PRKAG2: variants seen among roughly 807,000 people sequenced by gnomAD.
The protein encoded by PRKAG2 is protein kinase AMP-activated non-catalytic subunit gamma 2.
Under a neutral mutation model 69.6 loss-of-function variants are expected in PRKAG2, and 26 were observed. That is an observed-to-expected ratio of 0.37 (90% CI 0.27 to 0.52). The LOEUF (loss-of-function observed/expected upper bound fraction) is 0.52, where lower values mean the gene tolerates loss of function less well. PRKAG2 is among the 20% of genes least tolerant of loss of function. The pLI is 0.90. For missense variants in PRKAG2, 557 were observed against 740.0 expected (o/e 0.75, Z 2.87); for synonymous variants, 293 against 285.0 (o/e 1.03, Z -0.28).
chr7:151,799,778 C>T (rs545554281), intron 1 of PRKAG2, among the ~76,000 whole-genome samples: 1 of 152,274 alleles, frequency 6.6e-6, no homozygotes, highest in African/African-American at 2.4e-5. Context: ...GTCTGCTACT[C>T]CCCATTCCAG....
intron 4 of PRKAG2, among the ~76,000 whole-genome samples, chr7:151,646,310 GATC>G (rs1389245079): frequency 1.3e-5 from 2 of 152,182 alleles, no homozygotes; most frequent in African/African-American, 4.8e-5. Context: ...TCCAATCCAT[GATC>G]ATGGCATATC....
chr7:151,725,892 C>A (rs1797863350), intron 3 of PRKAG2, among the ~76,000 whole-genome samples: 1 of 152,124 alleles, frequency 6.6e-6, no homozygotes, highest in Non-Finnish European at 1.5e-5. Context: ...GGCCCTCCCC[C>A]ACTTTGATTT....
intron 8 of PRKAG2, 111 bp downstream of exon 8, chr7:151,574,779 CA>C (rs1563166273): frequency 6.7e-7 from 1 of 1,501,352 alleles, no homozygotes; most frequent in Non-Finnish European, 9.0e-7. Flanking sequence ...CACACCATAC[CA>C]AAAAAGAAAA....
At chr7:151,841,872 GGTAGTGATAGTA>G (rs1168737503) in intron 1 of PRKAG2, among the ~76,000 whole-genome samples, 1 of 149,266 alleles carries the variant, frequency 6.7e-6, no homozygotes, top group Non-Finnish European at 1.5e-5. Context: ...AGGTAGGGAT[GGTAGTGATAGTA>G]GTGATGGTAG....
At chr7:151,854,403 C>G (rs1206772051) in intron 1 of PRKAG2, among the ~76,000 whole-genome samples, 2 of 152,246 alleles carry the variant, frequency 1.3e-5, no homozygotes, top group Non-Finnish European at 2.9e-5. Flanking sequence ...TGAGGGTGGA[C>G]AGCTCCTCCA....
intron 3 of PRKAG2, among the ~76,000 whole-genome samples, chr7:151,711,036 G>T (rs1795218362): frequency 6.6e-6 from 1 of 152,152 alleles, no homozygotes; most frequent in South Asian, 2.1e-4. Context: ...TACTAAGAGT[G>T]CTAGGCTTAG....
chr7:151,807,781 G>A lies in PRKAG2; in HGVS notation c.115-21240C>T. ...TCCGAACCCTTCTCTGACTTGGCGG[G>A]TTATTGGATTAGCTACTCTCAGAAG... is the stretch of plus-strand genomic sequence containing the variant. On this transcript the variant is annotated intron_variant, in intron 1 of 15. Coordinates refer to ENST00000287878, the MANE Select transcript of PRKAG2 (RefSeq NM_016203.4). The surrounding 1 kb of genome is among the most constrained non-coding windows in gnomAD (Gnocchi z 4.4). 2.8e-6 allele frequency: 1 copy of A among 362,764 alleles called. No individual in the cohort carries two copies. The highest frequency in any genetic ancestry group is 5.5e-6 in the Non-Finnish European group (1 of 181,440). The allele number at this position is 362,764 out of a possible 1,614,324, so 22.5% of individuals were successfully genotyped here. A position where few individuals can be genotyped will look rare whatever the true frequency, so the allele number is the denominator to read the frequency against.
chr7:151,620,953 C>G (rs4726064), intron 5 of PRKAG2, among the ~76,000 whole-genome samples: 1,902 of 151,226 alleles, frequency 0.013, 28 homozygotes, highest in African/African-American at 0.044. Context: ...GCTGGGATTA[C>G]CTGAGCCGCC....
chr7:151,741,757 T>C (rs2073909923), intron 3 of PRKAG2, among the ~76,000 whole-genome samples: 2 of 152,156 alleles, frequency 1.3e-5, no homozygotes, highest in African/African-American at 4.8e-5. Context: ...AACCAGCAAC[T>C]TAGGCAGGCC....
At position 151,835,165 on chromosome 7, in the gene PRKAG2, C is replaced by CT. The variant is rs1260691471; in HGVS notation, c.114+41341dup. Among the ~76,000 whole-genome samples the CT allele has an allele frequency of 6.6e-6, 1 of 152,094 alleles. No individual in the cohort carries two copies. The highest frequency in any genetic ancestry group is 1.5e-5 in the Non-Finnish European group (1 of 68,028). On this transcript the variant is annotated intron_variant, in intron 1 of 15. Transcript: ENST00000287878. The surrounding 1 kb of genome is among the most constrained non-coding windows in gnomAD (Gnocchi z 4.1). ...ACAGAGGGTTAGGATTTGGACACAT[C>CT]TTTTAGGAGACACACAATTCAACTC...
At chr7:151,657,136 CA>C (rs11307580) in intron 4 of PRKAG2, among the ~76,000 whole-genome samples, 88,739 of 145,812 alleles carry the variant, frequency 0.61, 26,384 homozygotes, top group South Asian at 0.65. Context: ...GACTCCATCT[CA>C]AAAAAAAAAA....
chr7:151,562,089 A>G (rs1243885021), intron 14 of PRKAG2, among the ~76,000 whole-genome samples: 1 of 150,994 alleles, frequency 6.6e-6, no homozygotes, highest in Admixed American at 6.6e-5. Flanking sequence ...TACCAAAACC[A>G]CAAAAATTAG....
At position 151,850,162 on chromosome 7, in the gene PRKAG2, A is replaced by G. The variant is rs2079534581; in HGVS notation, c.114+26345T>C. The stretch of plus-strand genomic sequence containing the variant: ...GCAGAAAGAAGCGGGAGGGGGGTGC[A>G]GGGGAACCGTAGCACCAATTACCCA... On this transcript the variant is annotated intron_variant, in intron 1 of 15. Coordinates refer to ENST00000287878, the MANE Select transcript of PRKAG2 (RefSeq NM_016203.4). This position sits in a 1 kb window ranked among gnomAD's most constrained non-coding sequence, Gnocchi z 4.1. 6.6e-6 allele frequency among the ~76,000 whole-genome samples: 1 copy of G among 152,164 alleles called. No individual in the cohort carries two copies. The highest frequency in any genetic ancestry group is 1.5e-5 in the Non-Finnish European group (1 of 68,028).
intron 15 of PRKAG2, chr7:151,559,843 G>A: frequency 1.0e-6 from 1 of 985,194 alleles, no homozygotes; most frequent in Non-Finnish European, 1.2e-6. Context: ...TGGAGGGATG[G>A]GAAGAGGAGG....
rs533595998 is a variant in PRKAG2, at chr7:151,675,824, C to T, written c.467-187G>A. On this transcript the variant is annotated intron_variant, in intron 3 of 15. Transcript: ENST00000287878. ...GGACATTGGAGGTGGTCAGAGGTCC[C>T]GCCATGGCAGAGGGAGGCTCTCACC... Among the ~76,000 whole-genome samples, 9 of 147,754 alleles carry T rather than the reference C, an allele frequency of 6.1e-5. No homozygotes were observed. The East Asian group carries it at 1.2e-3, about 19-fold the overall frequency.
At chr7:151,855,146 ACACACACACCATCCTC>A (rs2079698815) in intron 1 of PRKAG2, among the ~76,000 whole-genome samples, 2 of 5,382 alleles carry the variant, frequency 3.7e-4, no homozygotes, top group South Asian at 3.7e-3. Flanking sequence ...ACACCACCCT[ACACACACACCATCCTC>A]CACACACACC....
chr7:151,726,077 C>A (rs530828219), intron 3 of PRKAG2, among the ~76,000 whole-genome samples: 19 of 152,198 alleles, frequency 1.2e-4, no homozygotes, highest in African/African-American at 3.6e-4. Flanking sequence ...AGATGGTGCT[C>A]CCTCTCCACA....
At chr7:151,754,608 T>G (rs891680646) in intron 3 of PRKAG2, among the ~76,000 whole-genome samples, 1 of 152,162 alleles carries the variant, frequency 6.6e-6, no homozygotes, top group Admixed American at 6.5e-5. Context: ...CATGGCAACA[T>G]CTGGGGACAG....
At chr7:151,690,276 A>G (rs1835455674) in intron 3 of PRKAG2, among the ~76,000 whole-genome samples, 1 of 152,144 alleles carries the variant, frequency 6.6e-6, no homozygotes, top group Non-Finnish European at 1.5e-5. Context: ...CCTGTGTCTG[A>G]TGGACAGTAC....
Sources: allele counts gnomAD v4.1 joint callset (sites outside exome capture counted in the v4.1 genomes callset), GRCh38; gene constraint gnomAD v4.1.1; non-coding constraint Gnocchi (gnomAD v3.1); transcripts MANE v1.5; gene names NCBI Gene and HGNC (gene_info 2026-07-23, HGNC 2026-07-21).